The following AGFG1 variants were observed in gnomAD, a reference collection of about 807,000 sequenced individuals.
AGFG1 encodes the protein ArfGAP with FG repeats 1, also known as arf-GAP domain and FG repeat-containing protein 1.
Under a neutral mutation model 60.6 loss-of-function variants are expected in AGFG1, and 10 were observed. The observed-to-expected ratio is 0.16, with a 90% CI of 0.10 to 0.28. AGFG1 has a LOEUF of 0.28. AGFG1 is among the 10% of genes least tolerant of loss of function. AGFG1 has a pLI of 1.00. For missense variants in AGFG1, 537 were observed against 676.5 expected (o/e 0.79, Z 2.29); for synonymous variants, 247 against 242.9 (o/e 1.02, Z -0.16).
rs1692145800 is a variant in AGFG1 at position 227,531,171 on chromosome 2, C to A, written c.775C>A (p.Pro259Thr). ...SSGSSNFGGF[P>T]TASHSPFQPQ... The stretch of plus-strand genomic sequence containing the variant: ...TGGTTCGAGTAATTTTGGAGGTTTC[C>A]CCACAGCAAGTCACTCTCCTTTTCA... Residue 259 changes from proline to threonine, a missense_variant, in exon 6 of 13, where the codon CCC becomes ACC. Pro to Thr is a conservative substitution (Grantham distance 38, BLOSUM62 -1). Coordinates refer to ENST00000310078, the MANE Select transcript of AGFG1 (RefSeq NM_004504.5). 6.2e-7 allele frequency: 1 copy of A among 1,613,528 alleles called. No individual in the cohort carries two copies. Among genetic ancestry groups the A allele is most frequent in the African/African-American group, 1.3e-5 (1 of 74,856 alleles).
chr2:227,521,962 A>G (rs910183029), intron 3 of AGFG1, among the ~76,000 whole-genome samples: 5 of 152,224 alleles, frequency 3.3e-5, no homozygotes, highest in Admixed American at 2.6e-4. Flanking sequence ...CAGGACCTGT[A>G]TGTTTTTAAT....
At chr2:227,546,647 A>C (rs1692656537) in intron 10 of AGFG1, among the ~76,000 whole-genome samples, 1 of 152,236 alleles carries the variant, frequency 6.6e-6, no homozygotes, top group Non-Finnish European at 1.5e-5. Context: ...GCTTTTTAAA[A>C]AACTGTAATA....
intron 2 of AGFG1, 48 bp from the exon 3 acceptor site, chr2:227,519,899 TA>T: frequency 9.0e-7 from 1 of 1,115,596 alleles, no homozygotes; most frequent in Non-Finnish European, 1.3e-6. Context: ...AAAATTTCAT[TA>T]AGTGAAGATG....
intron 10 of AGFG1, among the ~76,000 whole-genome samples, chr2:227,538,522 GT>G (rs1692379863): frequency 6.6e-6 from 1 of 152,176 alleles, no homozygotes; most frequent in African/African-American, 2.4e-5. Flanking sequence ...CTCAAATTAT[GT>G]TTTGACTGAG....
In AGFG1 at chr2:227,491,681, TG is replaced by T. The variant is rs760218705; in HGVS notation, c.261+42del. 6.3e-6 allele frequency: 8 copies of T among 1,261,002 alleles called. No homozygotes were observed. The South Asian group carries it at 1.2e-4, about 19-fold the overall frequency. The allele number at this position is 1,261,002 out of a possible 1,614,324, so 78.1% of individuals were successfully genotyped here. A position where few individuals can be genotyped will look rare whatever the true frequency, so the allele number is the denominator to read the frequency against. On this transcript the variant is annotated intron_variant, in intron 2 of 12. Coordinates refer to ENST00000310078, the MANE Select transcript of AGFG1 (RefSeq NM_004504.5). ...TTTTTTTTGCAATTTTTGACTTTTTTGTTGGCAGTCATTTTAATGAGATTTA... is the reference window on the plus strand; with the variant it reads ...TTTTTTTTGCAATTTTTGACTTTTTTTTGGCAGTCATTTTAATGAGATTTA...
At chr2:227,549,572 A>C (rs1186087763) in intron 10 of AGFG1, among the ~76,000 whole-genome samples, 1 of 152,150 alleles carries the variant, frequency 6.6e-6, no homozygotes, top group Admixed American at 6.5e-5. Flanking sequence ...ATACTTAATT[A>C]GTTCATTTGA....
intron 5 of AGFG1, among the ~76,000 whole-genome samples, chr2:227,526,928 A>G (rs1299098295): frequency 1.3e-5 from 2 of 152,214 alleles, no homozygotes; most frequent in African/African-American, 4.8e-5. Flanking sequence ...CATATTTGTT[A>G]CAAACATGTT....
chr2:227,537,637 C>G (rs1395887463), intron 10 of AGFG1, among the ~76,000 whole-genome samples: 1 of 152,114 alleles, frequency 6.6e-6, no homozygotes, highest in Non-Finnish European at 1.5e-5. Context: ...TGTTATACCT[C>G]TGATTTTTGT....
Position 227,534,919 on chromosome 2 carries a change from T to A in AGFG1, c.1099T>A (p.Ser367Thr). Residue 367 changes from serine to threonine, a missense_variant, in exon 8 of 13, where the codon TCA becomes ACA. By Grantham distance (58) the Ser-to-Thr change is moderately conservative. Transcript: ENST00000310078. ...VGSVVSVPSQSSASSDKYAAL... is the reference protein window; with the variant it reads ...VGSVVSVPSQTSASSDKYAAL... ...TTCTGTGGTTTCAGTTCCCAGTCAG[T>A]CAAGTGCATCTTCAGACAAGTATGC... The A allele has an allele frequency of 1.2e-6, 2 of 1,613,806 alleles. No homozygotes were observed. The highest frequency in any genetic ancestry group is 2.2e-5 in the South Asian group (2 of 91,068).
In AGFG1 at chr2:227,556,099, G is replaced by C. The variant is rs1269939809; in HGVS notation, c.*1604G>C. 6.6e-6 allele frequency: 1 copy of C among 152,098 alleles called. No individual in the cohort carries two copies. Among genetic ancestry groups the C allele is most frequent in the Non-Finnish European group, 1.5e-5 (1 of 68,014 alleles). 9.4% of individuals were successfully genotyped at this position (152,098 alleles called of 1,614,324 possible). On this transcript the variant is annotated 3_prime_UTR_variant, in exon 13 of 13. Transcript: ENST00000310078. ...CTTTATTATGCCTCTAGGTAATTAA[G>C]TAAAGGTGAAATTGCATACACAGAT... is the stretch of plus-strand genomic sequence containing the variant.
chr2:227,491,434 G>A, intron 1 of AGFG1, 113 bp from the exon 2 acceptor site: 2 of 630,400 alleles, frequency 3.2e-6, no homozygotes, highest in Non-Finnish European at 5.4e-6. Flanking sequence ...TTTATGGAAT[G>A]AAAACACTGT....
At chr2:227,550,731 A>G (rs553258084) in intron 10 of AGFG1, among the ~76,000 whole-genome samples, 3 of 152,300 alleles carry the variant, frequency 2.0e-5, no homozygotes, top group East Asian at 1.9e-4. Context: ...GGCAACATCT[A>G]TTACTTGTTT....
chr2:227,541,325 T>C (rs1349946042), intron 10 of AGFG1, among the ~76,000 whole-genome samples: 1 of 152,240 alleles, frequency 6.6e-6, no homozygotes, highest in African/African-American at 2.4e-5. Context: ...TTTATGGTTT[T>C]AGGTCTAACA....
chr2:227,501,096 A>AT (rs1319437323), intron 2 of AGFG1, among the ~76,000 whole-genome samples: 4 of 150,106 alleles, frequency 2.7e-5, no homozygotes, highest in Middle Eastern at 3.7e-3. Context: ...GCCCAGCCTA[A>AT]TTTTTTTTGA....
chr2:227,516,834 A>G (rs1242314052), intron 2 of AGFG1, among the ~76,000 whole-genome samples: 1 of 152,170 alleles, frequency 6.6e-6, no homozygotes, highest in Non-Finnish European at 1.5e-5. Context: ...GTGTCCATCA[A>G]ATACAGTCAA....
intron 2 of AGFG1, among the ~76,000 whole-genome samples, chr2:227,518,456 A>G (rs936987747): frequency 6.6e-6 from 1 of 151,428 alleles, no homozygotes; most frequent in African/African-American, 2.4e-5. Flanking sequence ...TGATGCAGTC[A>G]CACTTTGTTT....
At position 227,472,470 on chromosome 2, in the gene AGFG1, C is replaced by T. The variant is rs1407242674; in HGVS notation, c.49C>T (p.Leu17=). ...GCAGGAGGAGAAGCACCTGAAGATG[C>T]TGCGGGACATGACCGGCCTCCCGCA... ...RKQEEKHLKM[L]RDMTGLPHNR... Residue 17 remains leucine (L), a synonymous_variant, in exon 1 of 13, where the codon CTG becomes TTG. Transcript: ENST00000310078. The T allele has an allele frequency of 6.4e-7, 1 of 1,571,818 alleles. No homozygotes were observed. The highest frequency in any genetic ancestry group is 1.8e-5 in the Admixed American group (1 of 56,126).
chr2:227,540,814 A>C (rs1692470120), intron 10 of AGFG1, among the ~76,000 whole-genome samples: 1 of 152,230 alleles, frequency 6.6e-6, no homozygotes, highest in Non-Finnish European at 1.5e-5. Flanking sequence ...TCCCACCAGC[A>C]GTGTAAAAGT....
chr2:227,472,553 C>G lies in AGFG1; in HGVS notation c.132C>G (p.Val44=), dbSNP rs777714452. ...GCCCCACCTACGTTAACATGACGGTCGGCTCCTTCGTGTGTACCTCCTGCT... is the reference window on the plus strand; with the variant it reads ...GCCCCACCTACGTTAACATGACGGTGGGCTCCTTCGTGTGTACCTCCTGCT... ...QRGPTYVNMT[V]GSFVCTSCSG... is the part of the protein sequence containing the mutation. Residue 44 remains valine, a synonymous_variant, in exon 1 of 13, where the codon GTC becomes GTG. Coordinates refer to ENST00000310078, the MANE Select transcript of AGFG1 (RefSeq NM_004504.5). 3.2e-6 allele frequency: 5 copies of G among 1,579,552 alleles called. No homozygotes were observed. Among genetic ancestry groups the G allele is most frequent in the South Asian group, 1.1e-5 (1 of 89,276 alleles).
Sources: allele counts gnomAD v4.1 joint callset (sites outside exome capture counted in the v4.1 genomes callset), GRCh38; gene constraint gnomAD v4.1.1; transcripts MANE v1.5; gene names NCBI Gene and HGNC (gene_info 2026-07-23, HGNC 2026-07-21).